KCND3: variants seen among roughly 807,000 people sequenced by gnomAD.
KCND3 encodes potassium voltage-gated channel subfamily D member 3.
In KCND3, 9 loss-of-function variants were observed where a neutral mutation model predicts 51.1. The ratio of observed to expected loss-of-function variants is 0.18; its 90% CI spans 0.11 to 0.31. The LOEUF (loss-of-function observed/expected upper bound fraction) is 0.31, where lower values mean the gene tolerates loss of function less well. KCND3 is among the 10% of genes least tolerant of loss of function. The pLI is 1.00. For synonymous variants in KCND3, 349 were observed against 368.0 expected, an observed-to-expected ratio of 0.95 and a Z score of 0.59; for missense variants, 526 against 903.8, an observed-to-expected ratio of 0.58 and a Z score of 5.36.
rs1673842159 is a variant in KCND3, at chr1:111,964,329, G to C, written c.1106+17292C>G. Among the ~76,000 whole-genome samples, 5 of 152,214 alleles carry C rather than the reference G, an allele frequency of 3.3e-5. No homozygotes were observed. The South Asian group carries it at 1.0e-3, about 31-fold the overall frequency. ...TGACTCCTGGGCAGGCTGAAGCCCG[G>C]GATGCTAAAGTACAGCCTCCCAACC... On this transcript the variant is annotated intron_variant, in intron 2 of 7. Transcript: ENST00000302127.
At chr1:111,863,890 G>A (rs1668442512) in intron 2 of KCND3, among the ~76,000 whole-genome samples, 1 of 152,144 alleles carries the variant, frequency 6.6e-6, no homozygotes, top group South Asian at 2.1e-4. Flanking sequence ...GTAGCAGTGG[G>A]AATAAAAAAT....
Position 111,822,171 on chromosome 1 carries a change from C to G in KCND3, c.1107-35065G>C, listed in dbSNP as rs555964805. On this transcript the variant is annotated intron_variant, in intron 2 of 7. Coordinates refer to ENST00000302127, the MANE Select transcript of KCND3 (RefSeq NM_001378969.1). Reference sequence around the variant, plus strand: ...CATTTTAATATCTCTAAAATTATGTCATAACTGAAATTAAAATATGTTTGT... The same window carrying G: ...CATTTTAATATCTCTAAAATTATGTGATAACTGAAATTAAAATATGTTTGT... Among the ~76,000 whole-genome samples, 31 of 151,722 alleles carry G rather than the reference C, an allele frequency of 2.0e-4. 1 individual carries two copies. The highest frequency in any genetic ancestry group is 4.4e-4 in the Non-Finnish European group (30 of 67,972).
intron 2 of KCND3, among the ~76,000 whole-genome samples, chr1:111,913,009 C>A (rs764541516): frequency 1.3e-5 from 2 of 152,094 alleles, no homozygotes; most frequent in Non-Finnish European, 2.9e-5. Flanking sequence ...ATGTCTCAGG[C>A]CTTCATATTC....
At chr1:111,895,754 G>C (rs950250828) in intron 2 of KCND3, among the ~76,000 whole-genome samples, 1 of 152,240 alleles carries the variant, frequency 6.6e-6, no homozygotes, top group Non-Finnish European at 1.5e-5. Context: ...AACAGGCCTC[G>C]GGCCCAGTGG....
intron 2 of KCND3, among the ~76,000 whole-genome samples, chr1:111,968,052 T>TAA (rs757602358): frequency 1.3e-5 from 2 of 152,136 alleles, no homozygotes; most frequent in Non-Finnish European, 2.9e-5. Flanking sequence ...AAGCTGACCT[T>TAA]ACATGGAAAT....
chr1:111,867,641 G>A (rs1335927418), intron 2 of KCND3, among the ~76,000 whole-genome samples: 1 of 152,154 alleles, frequency 6.6e-6, no homozygotes, highest in East Asian at 1.9e-4. Context: ...CTAAAGTGTT[G>A]ATTTATGAGT....
chr1:111,811,779 A>G (rs1185994969), intron 2 of KCND3, among the ~76,000 whole-genome samples: 1 of 152,228 alleles, frequency 6.6e-6, no homozygotes, highest in African/African-American at 2.4e-5. Context: ...TCTATTTTCA[A>G]CTTCCCCTGG....
chr1:111,781,832 C>G (rs1664402386), intron 3 of KCND3, among the ~76,000 whole-genome samples: 1 of 152,190 alleles, frequency 6.6e-6, no homozygotes, highest in African/African-American at 2.4e-5. Flanking sequence ...CTTCTCCTTC[C>G]TAATGACTGT....
chr1:111,899,979 G>A (rs747676081), intron 2 of KCND3, among the ~76,000 whole-genome samples: 1 of 152,136 alleles, frequency 6.6e-6, no homozygotes, highest in Non-Finnish European at 1.5e-5. Context: ...GGCACTGATC[G>A]GGGCATTACA....
chr1:111,860,248 T>C (rs1668272017), intron 2 of KCND3, among the ~76,000 whole-genome samples: 1 of 152,232 alleles, frequency 6.6e-6, no homozygotes. Context: ...AAGTAGCTAT[T>C]GTTAATCTCA....
Position 111,780,107 on chromosome 1 carries a change from CT to C in KCND3, c.1461+117del. 1 of 1,129,952 alleles carries C rather than the reference CT, an allele frequency of 8.8e-7. No homozygotes were observed. Among genetic ancestry groups the C allele is most frequent in the Non-Finnish European group, 1.3e-6 (1 of 765,562 alleles). The allele number at this position is 1,129,952 out of a possible 1,614,324, so 70.0% of individuals were successfully genotyped here. ...GAGGGCCAGTAGATCCCATCACTAC[CT>C]TTTGGATCTGAAGGGGACAGACTTT... is the stretch of plus-strand genomic sequence containing the variant. On this transcript the variant is annotated intron_variant, in intron 5 of 7. Transcript: ENST00000302127. This position sits in a 1 kb window ranked among gnomAD's most constrained non-coding sequence, Gnocchi z 4.2.
At chr1:111,987,578 C>G (rs1297515899) in intron 1 of KCND3, among the ~76,000 whole-genome samples, 1 of 152,182 alleles carries the variant, frequency 6.6e-6, no homozygotes, top group African/African-American at 2.4e-5. Context: ...CTGGCCATAC[C>G]CACCCCACAA....
chr1:111,783,822 T>A (rs1664491882), intron 3 of KCND3, among the ~76,000 whole-genome samples: 1 of 152,170 alleles, frequency 6.6e-6, no homozygotes, highest in Non-Finnish European at 1.5e-5. Flanking sequence ...TGGATACTAC[T>A]CAGCAGAATG....
chr1:111,883,176 G>A (rs1427199818), intron 2 of KCND3, among the ~76,000 whole-genome samples: 3 of 152,236 alleles, frequency 2.0e-5, no homozygotes, highest in South Asian at 2.1e-4. Flanking sequence ...GCATAACAGC[G>A]ATTGTCCTCT....
intron 2 of KCND3, among the ~76,000 whole-genome samples, chr1:111,882,554 C>A (rs2101741824): frequency 6.6e-6 from 1 of 152,300 alleles, no homozygotes; most frequent in East Asian, 1.9e-4. Flanking sequence ...GCAACGGAGT[C>A]TCAGGGTGTG....
At chr1:111,940,632 T>A (rs1475992596) in intron 2 of KCND3, among the ~76,000 whole-genome samples, 6 of 152,198 alleles carry the variant, frequency 3.9e-5, no homozygotes, top group Non-Finnish European at 8.8e-5. Context: ...TACTGTAGCC[T>A]CCCACAAGGT....
chr1:111,925,930 C>T, intron 2 of KCND3, among the ~76,000 whole-genome samples: 1 of 152,178 alleles, frequency 6.6e-6, no homozygotes, highest in Non-Finnish European at 1.5e-5. Flanking sequence ...TATCCTCCCC[C>T]TCCCCACTGA....
intron 2 of KCND3, among the ~76,000 whole-genome samples, chr1:111,939,648 C>T (rs1672397307): frequency 6.6e-6 from 1 of 152,108 alleles, no homozygotes; most frequent in Non-Finnish European, 1.5e-5. Flanking sequence ...GGGTTGGTGC[C>T]AAGTGTTTGC....
intron 1 of KCND3, among the ~76,000 whole-genome samples, chr1:111,985,527 T>A (rs1249598379): frequency 6.6e-6 from 1 of 152,178 alleles, no homozygotes; most frequent in Non-Finnish European, 1.5e-5. Context: ...GTGAACTGCA[T>A]CAGTAGGTGC....
Sources: gnomAD v4.1 joint callset for allele counts (sites outside exome capture counted in the v4.1 genomes callset) on GRCh38, gnomAD v4.1.1 for gene constraint, Gnocchi (gnomAD v3.1) non-coding constraint, MANE v1.5 for transcripts, NCBI Gene and HGNC (gene_info 2026-07-23, HGNC 2026-07-21) for gene names.